SEMA3D: variants seen among roughly 807,000 people sequenced by gnomAD.
The protein encoded by SEMA3D is semaphorin-3D.
A neutral mutation model predicts 100.1 loss-of-function variants in SEMA3D; 84 were observed. The observed-to-expected ratio is 0.84, with a 90% CI of 0.70 to 1.01. The LOEUF (loss-of-function observed/expected upper bound fraction) is 1.01. SEMA3D is among the 50% of genes least tolerant of loss of function. SEMA3D has a pLI of 0.00. For synonymous variants in SEMA3D, 312 were observed against 320.7 expected, an observed-to-expected ratio of 0.97 and a Z score of 0.29; for missense variants, 875 against 934.1, an observed-to-expected ratio of 0.94 and a Z score of 0.82.
In SEMA3D at chr7:85,022,490, T is replaced by C. The variant is rs140771343; in HGVS notation, c.1315A>G (p.Thr439Ala). 120 of 1,612,528 alleles carry C rather than the reference T, an allele frequency of 7.4e-5. No individual in the cohort carries two copies. The African/African-American group carries it at 1.5e-3, about 21-fold the overall frequency. Residue 439 changes from threonine to alanine, a missense_variant, in exon 13 of 19, where the codon ACG becomes GCG. By Grantham distance (58) the Thr-to-Ala change is moderately conservative (BLOSUM62 0). Coordinates refer to ENST00000284136, the MANE Select transcript of SEMA3D (RefSeq NM_001384900.1). ...KSVYPVAGGP[T>A]FKRINVDYRL... ...TAATCCACATTGATTCTCTTGAACG[T>C]TGGTCCTCCTGCAACTGGGTATACG...
chr7:85,244,308 A>G, the SEMA3D span, among the ~76,000 whole-genome samples: 1 of 152,168 alleles, frequency 6.6e-6, no homozygotes, highest in African/African-American at 2.4e-5. Flanking sequence ...CTCACTCCTG[A>G]GAAGTGGCAT....
intron 3 of SEMA3D, among the ~76,000 whole-genome samples, chr7:85,099,034 T>C (rs894219141): frequency 9.9e-5 from 15 of 152,090 alleles, no homozygotes; most frequent in South Asian, 8.3e-4. Context: ...TAATATTTTG[T>C]TGTCTGGATG....
chr7:85,161,569 G>A (rs186660056), intron 1 of SEMA3D, among the ~76,000 whole-genome samples: 1 of 152,218 alleles, frequency 6.6e-6, no homozygotes, highest in African/African-American at 2.4e-5. Flanking sequence ...TAGGCGGGGA[G>A]AGTTGCAAGA....
chr7:85,036,847 T>G, intron 12 of SEMA3D, 42 bp downstream of exon 12: 48 of 1,497,598 alleles, frequency 3.2e-5, no homozygotes, highest in Non-Finnish European at 4.3e-5. Flanking sequence ...GAATTAAATA[T>G]GAGCTTAAGA....
the SEMA3D span, among the ~76,000 whole-genome samples, chr7:85,226,349 A>G: frequency 2.0e-5 from 3 of 152,184 alleles, no homozygotes; most frequent in Non-Finnish European, 4.4e-5. Context: ...AGGTAAAAAT[A>G]CTAATAACTT....
At chr7:85,095,150 C>T (rs571689740) in intron 4 of SEMA3D, among the ~76,000 whole-genome samples, 1 of 151,876 alleles carries the variant, frequency 6.6e-6, no homozygotes, top group Non-Finnish European at 1.5e-5. Flanking sequence ...GCTATTCACT[C>T]TAGTAGACTC....
At chr7:85,182,078 T>A (rs1307236926) in intron 1 of SEMA3D, among the ~76,000 whole-genome samples, 1 of 152,164 alleles carries the variant, frequency 6.6e-6, no homozygotes, top group African/African-American at 2.4e-5. Flanking sequence ...TGAATTCTTC[T>A]TTTCTTTTAT....
the SEMA3D span, among the ~76,000 whole-genome samples, chr7:85,199,729 A>G: frequency 2.0e-5 from 3 of 151,968 alleles, no homozygotes; most frequent in African/African-American, 7.3e-5. Context: ...TTTCTTGTTG[A>G]TACTGTTAAT....
the SEMA3D span, among the ~76,000 whole-genome samples, chr7:85,203,889 C>A: frequency 0.18 from 27,823 of 151,732 alleles, 2,758 homozygotes; most frequent in Non-Finnish European, 0.23. Flanking sequence ...TCTGCCAATA[C>A]CATATGTTAG....
At chr7:85,248,597 T>C in the SEMA3D span, among the ~76,000 whole-genome samples, 3 of 152,042 alleles carry the variant, frequency 2.0e-5, no homozygotes, top group African/African-American at 4.8e-5. Flanking sequence ...TAGGTGAATA[T>C]AGAAATAAAA....
Position 85,141,770 on chromosome 7 carries a change from C to A in SEMA3D, c.-41+11838G>T, listed in dbSNP as rs577483023. On this transcript the variant is annotated intron_variant, in intron 2 of 18. Coordinates refer to ENST00000284136, the MANE Select transcript of SEMA3D (RefSeq NM_001384900.1). ...GGGCTCTGTTTTCTCAAGGTTTTTG[C>A]CAAGTCTCATAAATCTGGGAAAAGG... 8.6e-6 allele frequency: 7 copies of A among 810,458 alleles called. No homozygotes were observed. The African/African-American group carries it at 1.3e-4, about 15-fold the overall frequency. The allele number at this position is 810,458 out of a possible 1,614,324, so 50.2% of individuals were successfully genotyped here. A position where few individuals can be genotyped will look rare whatever the true frequency, so the allele number is the denominator to read the frequency against.
chr7:85,244,146 A>C, the SEMA3D span, among the ~76,000 whole-genome samples: 13 of 152,090 alleles, frequency 8.5e-5, no homozygotes, highest in African/African-American at 3.1e-4. Flanking sequence ...GCATCTGCTT[A>C]GCTTCTGATG....
upstream of SEMA3D, among the ~76,000 whole-genome samples, chr7:85,190,324 T>A (rs896668534): frequency 2.0e-5 from 3 of 152,178 alleles, no homozygotes; most frequent in African/African-American, 7.2e-5. Flanking sequence ...CCTTAGTCAT[T>A]CAGAAAACCT....
In SEMA3D at chr7:84,999,222, C is replaced by G. The variant is rs1562776749; in HGVS notation, c.*218G>C. The G allele has an allele frequency of 3.6e-6, 2 of 552,840 alleles. No individual in the cohort carries two copies. Among genetic ancestry groups the G allele is most frequent in the Non-Finnish European group, 6.4e-6 (2 of 312,426 alleles). 34.2% of individuals were successfully genotyped at this position (552,840 alleles called of 1,614,324 possible). A position where few individuals can be genotyped will look rare whatever the true frequency, so the allele number is the denominator to read the frequency against. On this transcript the variant is annotated 3_prime_UTR_variant, in exon 19 of 19. Transcript: ENST00000284136. ...TAAACCCCCTATTTTTAGGATAATT[C>G]TTATACTTTGCTTGTGCAAGATTTG...
chr7:85,247,499 T>A, the SEMA3D span, among the ~76,000 whole-genome samples: 2 of 152,064 alleles, frequency 1.3e-5, no homozygotes, highest in Admixed American at 1.3e-4. Context: ...TATATGCATC[T>A]CAAAAAATCA....
At chr7:85,192,142 C>A in the SEMA3D span, among the ~76,000 whole-genome samples, 1 of 151,918 alleles carries the variant, frequency 6.6e-6, no homozygotes, top group African/African-American at 2.4e-5. Flanking sequence ...ATATTGTGGG[C>A]TGCAGATATA....
intron 2 of SEMA3D, among the ~76,000 whole-genome samples, chr7:85,151,233 T>G (rs1278220955): frequency 1.3e-5 from 2 of 152,020 alleles, no homozygotes; most frequent in Non-Finnish European, 1.5e-5. Flanking sequence ...GAAAGTGTTG[T>G]CAACCCAAGA....
chr7:85,128,572 T>C (rs2116425566), intron 2 of SEMA3D, among the ~76,000 whole-genome samples: 1 of 152,192 alleles, frequency 6.6e-6, no homozygotes, highest in South Asian at 2.1e-4. Flanking sequence ...TTTTGGCAAA[T>C]ATCCAAAAAT....
Position 84,999,655 on chromosome 7 carries a change from C to T in SEMA3D, c.2119G>A (p.Ala707Thr). ...HEEGKVKDLL[A>T]ESRLRYKDYI... ...TCTTTGTATCTCAACCGTGACTCAG[C>T]CAATAGATCCTTGACCTTCCCCTCC... The change falls in exon 19 of 19, where the codon GCT becomes ACT. Residue 707 changes from alanine (A) to threonine (T), a missense_variant. Ala to Thr is a moderately conservative substitution (Grantham distance 58). Coordinates refer to ENST00000284136, the MANE Select transcript of SEMA3D (RefSeq NM_001384900.1). The T allele has an allele frequency of 6.2e-7, 1 of 1,614,018 alleles. No individual in the cohort carries two copies. Among genetic ancestry groups the T allele is most frequent in the East Asian group, 2.2e-5 (1 of 44,846 alleles).
Sources: gnomAD v4.1 joint callset for allele counts (sites outside exome capture counted in the v4.1 genomes callset) on GRCh38, gnomAD v4.1.1 for gene constraint, MANE v1.5 for transcripts, NCBI Gene and HGNC (gene_info 2026-07-23, HGNC 2026-07-21) for gene names.